The following TTLL1 variants were observed in gnomAD, a reference collection of about 807,000 sequenced individuals.
The protein encoded by TTLL1 is TTL family tubulin polyglutamylase complex subunit L1.
Under a neutral mutation model 47.8 loss-of-function variants are expected in TTLL1, and 33 were observed. The observed-to-expected ratio is 0.69, with a 90% CI of 0.52 to 0.92. The LOEUF (loss-of-function observed/expected upper bound fraction) is 0.92. TTLL1 is among the 40% of genes least tolerant of loss of function. The pLI is 0.00. For missense variants in TTLL1, 488 were observed against 547.5 expected (o/e 0.89, Z 1.08); for synonymous variants, 225 against 214.1 (o/e 1.05, Z -0.45).
chr22:43,059,190 A>G (rs1443264521), intron 8 of TTLL1, among the ~76,000 whole-genome samples, 194 bp downstream of exon 8: 1 of 147,486 alleles, frequency 6.8e-6, no homozygotes, highest in Non-Finnish European at 1.5e-5. Context: ...GGGTTTCACC[A>G]TGTATGTGGG....
chr22:43,060,226 G>A (rs1254527800), intron 7 of TTLL1, among the ~76,000 whole-genome samples: 1 of 152,192 alleles, frequency 6.6e-6, no homozygotes, highest in East Asian at 1.9e-4. Context: ...TACCCTTCAA[G>A]ACCAAGGCAC....
intron 3 of TTLL1, among the ~76,000 whole-genome samples, chr22:43,071,596 G>A (rs1928126769): frequency 6.6e-6 from 1 of 152,142 alleles, no homozygotes; most frequent in Admixed American, 6.6e-5. Context: ...TTTTAGTAGA[G>A]ACGGGGTTTT....
chr22:43,083,854 C>T (rs898581403), intron 1 of TTLL1, among the ~76,000 whole-genome samples: 2 of 152,058 alleles, frequency 1.3e-5, no homozygotes, highest in Admixed American at 6.6e-5. Context: ...GAGCAAAATT[C>T]TTGATTTAAT....
At chr22:43,075,125 A>T (rs1389915849) in intron 3 of TTLL1, among the ~76,000 whole-genome samples, 1 of 152,092 alleles carries the variant, frequency 6.6e-6, no homozygotes, top group African/African-American at 2.4e-5. Flanking sequence ...AGATCGCACC[A>T]TTGCACTCCA....
In TTLL1 at chr22:43,086,170, G is replaced by A. The variant is rs1276895176; in HGVS notation, c.-90+3107C>T. On this transcript the variant is annotated intron_variant, in intron 1 of 10. Coordinates refer to ENST00000266254, the MANE Select transcript of TTLL1 (RefSeq NM_012263.5). ...AGTGGGGTTAAGGGTACTGAGTAACGTGTTATTATCTCTCCTGGTTCACGT... is the reference window on the plus strand; with the variant it reads ...AGTGGGGTTAAGGGTACTGAGTAACATGTTATTATCTCTCCTGGTTCACGT... Among the ~76,000 whole-genome samples the A allele has an allele frequency of 3.9e-5, 6 of 152,158 alleles. No individual in the cohort carries two copies. In the East Asian group the frequency reaches 9.6e-4, roughly 24 times the overall value.
At chr22:43,047,343 CCTT>C (rs1308446958) in intron 9 of TTLL1, among the ~76,000 whole-genome samples, 4 of 152,164 alleles carry the variant, frequency 2.6e-5, no homozygotes, top group Admixed American at 2.6e-4. Context: ...AATGATGAAT[CCTT>C]CCAACACATG....
At chr22:43,073,650 C>A (rs924992180) in intron 3 of TTLL1, among the ~76,000 whole-genome samples, 3 of 151,528 alleles carry the variant, frequency 2.0e-5, no homozygotes, top group Non-Finnish European at 4.4e-5. Flanking sequence ...GCCGCTGTGC[C>A]CAGCCCATCA....
chr22:43,059,245 C>T (rs1320264335), intron 8 of TTLL1, 139 bp downstream of exon 8: 15 of 1,238,110 alleles, frequency 1.2e-5, no homozygotes, highest in South Asian at 4.5e-5. Context: ...CCGCCCGCCT[C>T]GGCCTCCCAG....
intron 5 of TTLL1, among the ~76,000 whole-genome samples, chr22:43,067,924 C>T (rs1226678159): frequency 2.6e-5 from 4 of 151,470 alleles, no homozygotes; most frequent in Admixed American, 6.6e-5. Context: ...CTGCCTCAGC[C>T]TCCTGAGTAG....
chr22:43,055,014 G>A (rs1321425638), intron 8 of TTLL1, among the ~76,000 whole-genome samples: 5 of 151,116 alleles, frequency 3.3e-5, no homozygotes, highest in Admixed American at 6.6e-5. Flanking sequence ...GTGAGCCACC[G>A]CACCCAGCCC....
At chr22:43,077,125 C>T (rs764356701) in intron 2 of TTLL1, among the ~76,000 whole-genome samples, 18 of 151,938 alleles carry the variant, frequency 1.2e-4, no homozygotes, top group Middle Eastern at 3.2e-3. Context: ...GTTTATCTGA[C>T]GACATCACTC....
chr22:43,077,601 G>C (rs1001674396), intron 2 of TTLL1, among the ~76,000 whole-genome samples: 1 of 152,312 alleles, frequency 6.6e-6, no homozygotes, highest in South Asian at 2.1e-4. Context: ...AGGCCTGTCA[G>C]CGCCACTGTG....
intron 3 of TTLL1, among the ~76,000 whole-genome samples, chr22:43,070,589 G>T (rs1220744692): frequency 6.6e-6 from 1 of 152,162 alleles, no homozygotes; most frequent in Non-Finnish European, 1.5e-5. Context: ...AAGGGTTGCT[G>T]TGGATTCCAG....
intron 2 of TTLL1, among the ~76,000 whole-genome samples, chr22:43,078,607 G>A (rs996825467): frequency 3.3e-5 from 5 of 152,018 alleles, no homozygotes; most frequent in Non-Finnish European, 2.9e-5. Context: ...CTAAAGTGCC[G>A]CCTCTCTCCA....
intron 9 of TTLL1, among the ~76,000 whole-genome samples, chr22:43,049,792 A>G (rs1296164830): frequency 1.3e-4 from 4 of 30,284 alleles, no homozygotes; most frequent in Non-Finnish European, 2.1e-4. Context: ...AAAAGAAAAG[A>G]AAAAAAAAAA....
chr22:43,064,008 T>C, intron 6 of TTLL1, 87 bp from the exon 7 acceptor site: 1 of 1,463,398 alleles, frequency 6.8e-7, no homozygotes, highest in South Asian at 1.2e-5. Flanking sequence ...GCTGCTTTTG[T>C]GTGTGTGATT....
At chr22:43,070,311 G>A (rs1601689997) in intron 3 of TTLL1, 10 of 794,762 alleles carry the variant, frequency 1.3e-5, no homozygotes, top group Non-Finnish European at 1.9e-5. Context: ...TGGAGAGTCT[G>A]CTGAAGGGGC....
At chr22:43,042,232 T>C (rs908586596) in intron 10 of TTLL1, among the ~76,000 whole-genome samples, 1 of 152,182 alleles carries the variant, frequency 6.6e-6, no homozygotes, top group Non-Finnish European at 1.5e-5. Context: ...GGACCACATA[T>C]GGTGACCGGT....
chr22:43,043,500 G>A (rs1330073045), intron 10 of TTLL1, among the ~76,000 whole-genome samples: 4 of 151,834 alleles, frequency 2.6e-5, no homozygotes, highest in African/African-American at 7.3e-5. Context: ...GGCCGCCATC[G>A]CAGTTGCCAT....
Sources: gnomAD v4.1 joint callset for allele counts (sites outside exome capture counted in the v4.1 genomes callset) on GRCh38, gnomAD v4.1.1 for gene constraint, MANE v1.5 for transcripts, NCBI Gene and HGNC (gene_info 2026-07-23, HGNC 2026-07-21) for gene names.